The following LDAH variants were observed in gnomAD, a reference collection of about 807,000 sequenced individuals.
LDAH encodes lipid droplet-associated hydrolase.
Under a neutral mutation model 29.6 loss-of-function variants are expected in LDAH, and 26 were observed. The observed-to-expected ratio is 0.88, with a 90% CI of 0.64 to 1.22. The LOEUF (loss-of-function observed/expected upper bound fraction) is 1.22. LDAH is among the 50% of genes most tolerant of loss of function. The pLI is 0.00. For missense variants in LDAH, 344 were observed against 387.3 expected (o/e 0.89, Z 0.94); for synonymous variants, 117 against 133.0 (o/e 0.88, Z 0.83).
At chr2:20,721,185 G>T (rs1195124646) in intron 5 of LDAH, among the ~76,000 whole-genome samples, 1 of 152,090 alleles carries the variant, frequency 6.6e-6, no homozygotes, top group Non-Finnish European at 1.5e-5. Flanking sequence ...ACAAAGTGAA[G>T]AAACAGTCTA....
Position 20,740,068 on chromosome 2 carries a change from A to G in LDAH, c.606T>C (p.Pro202=). 1.2e-6 allele frequency: 2 copies of G among 1,614,130 alleles called. No individual in the cohort carries two copies. Among genetic ancestry groups the G allele is most frequent in the Middle Eastern group, 1.7e-4 (1 of 6,060 alleles). ...TGATTAGCAAGGACTTGATTGTCTC[A>G]GGACACGGTTTCAATAATAAGTAGC... ...VTGYLLLKPC[P]ETIKSLLIRR... Residue 202 remains proline, a synonymous_variant, in exon 5 of 7, where the codon CCT becomes CCC. Transcript: ENST00000237822.
At chr2:20,725,466 C>G (rs1665946978) in intron 5 of LDAH, among the ~76,000 whole-genome samples, 1 of 152,194 alleles carries the variant, frequency 6.6e-6, no homozygotes, top group African/African-American at 2.4e-5. Flanking sequence ...TCTGCAGGAA[C>G]ATGGCAACGA....
intron 1 of LDAH, among the ~76,000 whole-genome samples, chr2:20,803,244 C>T (rs1193641330): frequency 6.6e-6 from 1 of 152,158 alleles, no homozygotes; most frequent in Admixed American, 6.5e-5. Context: ...GTACTAGGTG[C>T]CTGCAGGGGA....
At chr2:20,811,745 A>C (rs1366891050) in intron 1 of LDAH, among the ~76,000 whole-genome samples, 1 of 152,070 alleles carries the variant, frequency 6.6e-6, no homozygotes, top group Admixed American at 6.6e-5. Flanking sequence ...CGGCCTCCCA[A>C]AGTGCTGGGA....
At chr2:20,729,943 G>A (rs1302319970) in intron 5 of LDAH, among the ~76,000 whole-genome samples, 1 of 152,178 alleles carries the variant, frequency 6.6e-6, no homozygotes, top group East Asian at 1.9e-4. Flanking sequence ...CTACAGGTGT[G>A]TGCCACCATG....
chr2:20,736,373 C>T (rs908996194), intron 5 of LDAH, among the ~76,000 whole-genome samples: 2 of 151,910 alleles, frequency 1.3e-5, no homozygotes, highest in Non-Finnish European at 2.9e-5. Context: ...ACCCAGGAGG[C>T]GGAGGTTGCA....
intron 1 of LDAH, among the ~76,000 whole-genome samples, 175 bp downstream of exon 1, chr2:20,822,862 C>T (rs1302844384): frequency 6.6e-6 from 1 of 152,248 alleles, no homozygotes. Context: ...GGCCAAGTGG[C>T]TCCGAACTCG....
At chr2:20,822,335 G>A (rs530491375) in intron 1 of LDAH, among the ~76,000 whole-genome samples, 1 of 152,084 alleles carries the variant, frequency 6.6e-6, no homozygotes, top group African/African-American at 2.4e-5. Context: ...AGTAAAGATG[G>A]GGTTTCACCG....
At chr2:20,687,720 C>T (rs1197091275) in intron 6 of LDAH, among the ~76,000 whole-genome samples, 1 of 152,162 alleles carries the variant, frequency 6.6e-6, no homozygotes, top group East Asian at 1.9e-4. Flanking sequence ...TCCTCTGTGG[C>T]ATTACTAAGA....
rs1467116778 is a variant in LDAH, at chr2:20,685,597, G to T, written c.*1306C>A. ...CAAATCTTTCATCAGGGGGCTTTAG[G>T]ATTTGAGCGGAGGGACATCTCATTG... is the stretch of plus-strand genomic sequence containing the variant. On this transcript the variant is annotated 3_prime_UTR_variant, in exon 7 of 7. Coordinates refer to ENST00000237822, the MANE Select transcript of LDAH (RefSeq NM_021925.4). 6.4e-7 allele frequency: 1 copy of T among 1,550,494 alleles called. No homozygotes were observed. Among genetic ancestry groups the T allele is most frequent in the South Asian group, 1.2e-5 (1 of 84,048 alleles).
intron 4 of LDAH, among the ~76,000 whole-genome samples, chr2:20,757,133 T>C (rs1056215467): frequency 2.0e-5 from 3 of 152,154 alleles, no homozygotes; most frequent in African/African-American, 7.2e-5. Flanking sequence ...AAGGCTAAAA[T>C]GCTAGGGAAA....
At chr2:20,765,042 A>G (rs983594075) in intron 4 of LDAH, among the ~76,000 whole-genome samples, 39 of 152,364 alleles carry the variant, frequency 2.6e-4, no homozygotes, top group African/African-American at 7.5e-4. Context: ...AGAACCAAAT[A>G]TGTAATATAT....
Position 20,685,066 on chromosome 2 carries a change from A to G in LDAH, c.*1837T>C. On this transcript the variant is annotated 3_prime_UTR_variant, in exon 7 of 7. Transcript: ENST00000237822. ...CCAGACCAGGTCAGAAATGCTGGTA[A>G]AACATTTATTTCAAAAATTCATTTG... 1 of 1,002,496 alleles carries G rather than the reference A, an allele frequency of 1.0e-6. No individual in the cohort carries two copies. Among genetic ancestry groups the G allele is most frequent in the Non-Finnish European group, 1.4e-6 (1 of 736,538 alleles). 62.1% of individuals were successfully genotyped at this position (1,002,496 alleles called of 1,614,324 possible).
At chr2:20,773,700 C>T (rs2125013094) in intron 4 of LDAH, among the ~76,000 whole-genome samples, 2 of 152,220 alleles carry the variant, frequency 1.3e-5, no homozygotes, top group Middle Eastern at 3.4e-3. Context: ...GCGAGGGAGG[C>T]TATAGTTGTA....
intron 4 of LDAH, among the ~76,000 whole-genome samples, chr2:20,769,173 C>G (rs573851740): frequency 6.6e-6 from 1 of 152,266 alleles, no homozygotes; most frequent in East Asian, 1.9e-4. Flanking sequence ...CACAGTACCC[C>G]CTAGCCACCA....
chr2:20,817,761 C>CAATG (rs1431808980), intron 1 of LDAH, among the ~76,000 whole-genome samples: 1 of 152,078 alleles, frequency 6.6e-6, no homozygotes, highest in East Asian at 1.9e-4. Flanking sequence ...AAATGTTCTT[C>CAATG]AATGAATGAA....
intron 2 of LDAH, among the ~76,000 whole-genome samples, chr2:20,798,678 G>C (rs1332311263): frequency 6.6e-6 from 1 of 151,506 alleles, no homozygotes; most frequent in Non-Finnish European, 1.5e-5. Flanking sequence ...TAGGAAAATA[G>C]ATGGAGAAGG....
intron 5 of LDAH, among the ~76,000 whole-genome samples, chr2:20,734,349 GTC>G (rs1666629416): frequency 6.6e-6 from 1 of 152,074 alleles, no homozygotes; most frequent in Admixed American, 6.6e-5. Context: ...TCTCTGTCAT[GTC>G]TCTGAGTTCT....
chr2:20,760,801 G>A (rs570946176), intron 4 of LDAH, among the ~76,000 whole-genome samples: 2 of 152,270 alleles, frequency 1.3e-5, no homozygotes, highest in East Asian at 3.9e-4. Flanking sequence ...ACATAATCAT[G>A]TGCTTCCTGT....
Sources: gnomAD v4.1 joint callset for allele counts (sites outside exome capture counted in the v4.1 genomes callset) on GRCh38, gnomAD v4.1.1 for gene constraint, MANE v1.5 for transcripts, NCBI Gene and HGNC (gene_info 2026-07-23, HGNC 2026-07-21) for gene names.